ERI1: variants seen among roughly 807,000 people sequenced by gnomAD.
The protein encoded by ERI1 is exoribonuclease 1.
A neutral mutation model predicts 39.7 loss-of-function variants in ERI1; 39 were observed. That is an observed-to-expected ratio of 0.98 (90% CI 0.76 to 1.28). ERI1 has a LOEUF of 1.28. Ranked by LOEUF, ERI1 falls within the 50% of genes most tolerant of loss-of-function variation. ERI1 has a pLI of 0.00. For synonymous variants in ERI1, 204 were observed against 149.6 expected, an observed-to-expected ratio of 1.36 and a Z score of -2.65; for missense variants, 581 against 416.9, an observed-to-expected ratio of 1.39 and a Z score of -3.43.
At chr8:9,077,806 G>A (rs377328591) in intron 3 of ERI1, among the ~76,000 whole-genome samples, 13 of 152,192 alleles carry the variant, frequency 8.5e-5, no homozygotes, top group African/African-American at 1.9e-4. Context: ...TCTTCTCTGC[G>A]TTTGCCCCTC....
chr8:9,011,072 C>G (rs922539036), intron 2 of ERI1, among the ~76,000 whole-genome samples: 2 of 152,062 alleles, frequency 1.3e-5, no homozygotes, highest in Admixed American at 6.6e-5. Flanking sequence ...GTTGACTAAC[C>G]TACAAAAGCC....
At chr8:9,065,157 G>A (rs1798834676) in intron 3 of ERI1, among the ~76,000 whole-genome samples, 6 of 152,222 alleles carry the variant, frequency 3.9e-5, no homozygotes, top group African/African-American at 1.4e-4. Context: ...GCAGGCCACA[G>A]GGGATATGAT....
At chr8:9,017,890 C>G (rs997937461) in intron 4 of ERI1, among the ~76,000 whole-genome samples, 4 of 152,182 alleles carry the variant, frequency 2.6e-5, no homozygotes, top group Admixed American at 2.6e-4. Flanking sequence ...GAAGATCAGT[C>G]TGGCAGCAGT....
intron 1 of ERI1, among the ~76,000 whole-genome samples, chr8:9,005,050 A>G (rs1162350150): frequency 1.3e-5 from 2 of 152,136 alleles, no homozygotes; most frequent in Non-Finnish European, 2.9e-5. Context: ...GTAAATTTCC[A>G]TTATCTCTAA....
intron 3 of ERI1, among the ~76,000 whole-genome samples, chr8:9,041,844 CTT>C (rs1798032121): frequency 1.3e-5 from 2 of 152,296 alleles, no homozygotes; most frequent in Admixed American, 6.5e-5. Flanking sequence ...AGGCGATTCT[CTT>C]GCCTCAGCCT....
At chr8:9,033,673 A>T (rs1414006721), downstream of ERI1, among the ~76,000 whole-genome samples, 2 of 152,232 alleles carry the variant, frequency 1.3e-5, no homozygotes, top group Non-Finnish European at 2.9e-5. Flanking sequence ...TCTGCAGTTT[A>T]CAGATGGGAA....
At chr8:9,068,023 TA>T (rs1350617331) in intron 3 of ERI1, among the ~76,000 whole-genome samples, 1 of 152,174 alleles carries the variant, frequency 6.6e-6, no homozygotes, top group Non-Finnish European at 1.5e-5. Context: ...AAGTTTCCAC[TA>T]AACCTTGAAC....
intron 3 of ERI1, among the ~76,000 whole-genome samples, chr8:9,059,452 G>A (rs1277930367): frequency 1.3e-5 from 2 of 152,128 alleles, no homozygotes; most frequent in Non-Finnish European, 1.5e-5. Context: ...TAGGGGCAGC[G>A]TGGGAATCTA....
rs1311345554 is a variant in ERI1, at chr8:9,065,004, G to T, written n.299+44540G>T. On this transcript the variant is annotated intron_variant and non_coding_transcript_variant, in intron 3 of 3. Coordinates refer to the ERI1 transcript ENST00000518663. ...GTGGGGGTCACAAGGTGCTCAGTAG[G>T]GGAGCTTTTGAGCCAGGATGAGCCA... Among the ~76,000 whole-genome samples, 3 of 152,158 alleles carry T rather than the reference G, an allele frequency of 2.0e-5. No homozygotes were observed. In the East Asian group the frequency reaches 5.8e-4, roughly 29 times the overall value.
At chr8:9,018,222 TTAGGTCTGGGTATTTTG>T in intron 4 of ERI1, 58 bp from the exon 5 acceptor site, 1 of 752,846 alleles carries the variant, frequency 1.3e-6, no homozygotes, top group Non-Finnish European at 2.2e-6. Context: ...CCCCTCCAAC[TTAGGTCTGGGTATTTTG>T]TAGGTCTACG....
downstream of ERI1, among the ~76,000 whole-genome samples, chr8:9,033,898 A>T (rs1226376607): frequency 2.0e-5 from 3 of 152,260 alleles, no homozygotes; most frequent in Non-Finnish European, 4.4e-5. Flanking sequence ...ATGCGATTGT[A>T]CTAAATGTTG....
Position 9,051,434 on chromosome 8 carries a change from A to T in ERI1, n.299+30970A>T, listed in dbSNP as rs553924891. 3.3e-5 allele frequency among the ~76,000 whole-genome samples: 5 copies of T among 152,250 alleles called. No homozygotes were observed. In the South Asian group the frequency reaches 1.0e-3, roughly 32 times the overall value. ...CATTTTGGAAGGCTGAGGCAAGCAG[A>T]TCCCTTGAGGTCAGGAGTTCGAGAA... On this transcript the variant is annotated intron_variant and non_coding_transcript_variant, in intron 3 of 3. Transcript: ENST00000518663.
At chr8:9,068,129 G>A (rs141426775) in intron 3 of ERI1, among the ~76,000 whole-genome samples, 5 of 152,094 alleles carry the variant, frequency 3.3e-5, no homozygotes, top group South Asian at 2.1e-4. Context: ...TTTCTCCTTA[G>A]CCCTTAATTA....
intron 3 of ERI1, among the ~76,000 whole-genome samples, chr8:9,015,651 G>C (rs1253583298): frequency 6.8e-6 from 1 of 146,454 alleles, no homozygotes; most frequent in Admixed American, 7.0e-5. Context: ...GAACCTGGGA[G>C]GCGGAGCTTG....
At chr8:9,005,173 C>T (rs1011537478) in intron 1 of ERI1, among the ~76,000 whole-genome samples, 4 of 152,032 alleles carry the variant, frequency 2.6e-5, no homozygotes, top group African/African-American at 9.7e-5. Context: ...AAGAAAAATT[C>T]TAAGTTTTTT....
At chr8:9,099,143 G>T (rs978059497) in intron 3 of ERI1, among the ~76,000 whole-genome samples, 6 of 152,030 alleles carry the variant, frequency 3.9e-5, no homozygotes, top group Non-Finnish European at 8.8e-5. Context: ...CCACAATTTG[G>T]TAAGTTTTAA....
intron 1 of ERI1, chr8:9,004,291 C>T (rs1815719542): frequency 1.7e-6 from 2 of 1,149,366 alleles, no homozygotes; most frequent in Non-Finnish European, 2.2e-6. Context: ...TTGTCAATCT[C>T]ATCCTGTAAG....
At position 9,007,820 on chromosome 8, in the gene ERI1, C is replaced by G. The variant is rs1020691688; in HGVS notation, c.109-150C>G. 7 of 1,186,182 alleles carry G rather than the reference C, an allele frequency of 5.9e-6. No individual in the cohort carries two copies. The South Asian group carries it at 1.1e-4, about 19-fold the overall frequency. The allele number at this position is 1,186,182 out of a possible 1,614,324, so 73.5% of individuals were successfully genotyped here. A position where few individuals can be genotyped will look rare whatever the true frequency, so the allele number is the denominator to read the frequency against. On this transcript the variant is annotated intron_variant, in intron 1 of 6. Coordinates refer to ENST00000250263, the MANE Select transcript of ERI1 (RefSeq NM_153332.4). ...GCATCTTCCTTCTTATCCTTTCCTC[C>G]GTTTAGGAGCTGCAGTGAACACTTT... is the stretch of plus-strand genomic sequence containing the variant.
In ERI1 at chr8:9,003,075, A is replaced by G; in HGVS notation, c.12A>G (p.Pro4=). 1 of 1,247,530 alleles carries G rather than the reference A, an allele frequency of 8.0e-7. No homozygotes were observed. The highest frequency in any genetic ancestry group is 4.1e-5 in the South Asian group (1 of 24,628). The allele number at this position is 1,247,530 out of a possible 1,614,324, so 77.3% of individuals were successfully genotyped here. A position where few individuals can be genotyped will look rare whatever the true frequency, so the allele number is the denominator to read the frequency against. ...GCGTGACAGCCGGCATGGAGGATCC[A>G]CAGAGTAAAGAGCCTGCCGGCGAGG... MED[P]QSKEPAGEAV... Residue 4 remains proline (P), a synonymous_variant, in exon 1 of 7, where the codon CCA becomes CCG. Transcript: ENST00000250263.
Sources: gnomAD v4.1 joint callset for allele counts (sites outside exome capture counted in the v4.1 genomes callset) on GRCh38, gnomAD v4.1.1 for gene constraint, MANE v1.5 for transcripts, NCBI Gene and HGNC (gene_info 2026-07-23, HGNC 2026-07-21) for gene names.